Variants in ADGRL3 observed in about 807,000 individuals in gnomAD.
The protein encoded by ADGRL3 is adhesion G protein-coupled receptor L3, also known as calcium-independent alpha-latrotoxin receptor 3.
A neutral mutation model predicts 153.5 loss-of-function variants in ADGRL3; 62 were observed. The observed-to-expected ratio is 0.40, with a 90% CI of 0.33 to 0.50. ADGRL3 has a LOEUF of 0.50. ADGRL3 is among the 20% of genes least tolerant of loss of function. The pLI, the probability that ADGRL3 is intolerant of heterozygous loss-of-function variation, is 0.47. For synonymous variants in ADGRL3, 710 were observed against 672.5 expected (o/e 1.06, Z -0.86); for missense variants, 1,641 against 1,859.4 (o/e 0.88, Z 2.16).
intron 5 of ADGRL3, among the ~76,000 whole-genome samples, chr4:61,599,201 G>A (rs981849167): frequency 6.6e-6 from 1 of 152,226 alleles, no homozygotes; most frequent in Non-Finnish European, 1.5e-5. Flanking sequence ...AATAGACTGA[G>A]TGACTGGGGA....
At chr4:61,283,081 T>G (rs1191922926) in intron 1 of ADGRL3, among the ~76,000 whole-genome samples, 1 of 152,012 alleles carries the variant, frequency 6.6e-6, no homozygotes, top group African/African-American at 2.4e-5. Flanking sequence ...TGTAATACAT[T>G]CTTATGGCAA....
At chr4:61,302,429 A>G (rs2094608445) in intron 1 of ADGRL3, among the ~76,000 whole-genome samples, 1 of 152,102 alleles carries the variant, frequency 6.6e-6, no homozygotes, top group Admixed American at 6.5e-5. Flanking sequence ...TATCTAAAAA[A>G]CTAGGTATTG....
intron 2 of ADGRL3, among the ~76,000 whole-genome samples, chr4:61,416,636 T>TTTG (rs1334825046): frequency 6.6e-6 from 1 of 152,122 alleles, no homozygotes; most frequent in Non-Finnish European, 1.5e-5. Context: ...AGTGGATTTT[T>TTTG]TTGTTGTTGT....
intron 5 of ADGRL3, among the ~76,000 whole-genome samples, chr4:61,668,682 A>G (rs1246571121): frequency 6.6e-6 from 1 of 152,182 alleles, no homozygotes; most frequent in Non-Finnish European, 1.5e-5. Flanking sequence ...GAAATATCCT[A>G]TAGTACTTTT....
At chr4:61,613,967 T>G (rs935697486) in intron 5 of ADGRL3, among the ~76,000 whole-genome samples, 1 of 152,198 alleles carries the variant, frequency 6.6e-6, no homozygotes, top group Admixed American at 6.5e-5. Context: ...GTTGTCAGTA[T>G]GAATTTGTCC....
intron 3 of ADGRL3, among the ~76,000 whole-genome samples, chr4:61,498,350 A>C (rs1280148963): frequency 6.6e-6 from 1 of 152,144 alleles, no homozygotes; most frequent in Non-Finnish European, 1.5e-5. Context: ...AGAGATCGAG[A>C]CCATCCTGGC....
chr4:61,353,317 C>T (rs373656204), intron 1 of ADGRL3, among the ~76,000 whole-genome samples: 1 of 152,020 alleles, frequency 6.6e-6, no homozygotes, highest in East Asian at 1.9e-4. Flanking sequence ...TGAATATATA[C>T]ATTTTACATA....
intron 2 of ADGRL3, among the ~76,000 whole-genome samples, chr4:61,479,999 GCTA>G (rs1385843404): frequency 2.6e-5 from 4 of 151,930 alleles, no homozygotes; most frequent in Non-Finnish European, 5.9e-5. Context: ...TCATCTCTCA[GCTA>G]CTATTTTCTT....
intron 1 of ADGRL3, among the ~76,000 whole-genome samples, chr4:61,243,287 A>G (rs969980580): frequency 6.6e-6 from 1 of 152,028 alleles, no homozygotes; most frequent in Admixed American, 6.6e-5. Context: ...CTTGCAGCCA[A>G]ATGGTTTTGC....
At chr4:61,208,881 A>G (rs1461148146) in intron 1 of ADGRL3, among the ~76,000 whole-genome samples, 1 of 151,910 alleles carries the variant, frequency 6.6e-6, no homozygotes, top group African/African-American at 2.4e-5. Flanking sequence ...TTTCAGTGCA[A>G]AGGATCCTTG....
At chr4:61,750,698 G>T (rs1334733894) in intron 8 of ADGRL3, among the ~76,000 whole-genome samples, 1 of 151,098 alleles carries the variant, frequency 6.6e-6, no homozygotes, top group Non-Finnish European at 1.5e-5. Flanking sequence ...GCTGAGGCAG[G>T]AGAATGGCGT....
intron 9 of ADGRL3, among the ~76,000 whole-genome samples, chr4:61,841,934 G>A (rs893550391): frequency 6.6e-6 from 1 of 152,164 alleles, no homozygotes; most frequent in Non-Finnish European, 1.5e-5. Flanking sequence ...TTTGGCTTTA[G>A]CTGTCCTTAG....
At chr4:61,710,743 A>C (rs937699999) in intron 6 of ADGRL3, among the ~76,000 whole-genome samples, 4 of 152,168 alleles carry the variant, frequency 2.6e-5, no homozygotes, top group Non-Finnish European at 5.9e-5. Context: ...GTAGCACTGT[A>C]TATTCACCTA....
At chr4:61,908,968 A>T (rs1191822910) in intron 11 of ADGRL3, among the ~76,000 whole-genome samples, 1 of 152,192 alleles carries the variant, frequency 6.6e-6, no homozygotes, top group East Asian at 1.9e-4. Context: ...TACTTGAAAA[A>T]ATCAGCATGT....
intron 1 of ADGRL3, among the ~76,000 whole-genome samples, chr4:61,292,660 G>T (rs570804674): frequency 3.0e-4 from 45 of 152,262 alleles, no homozygotes; most frequent in Non-Finnish European, 5.4e-4. Context: ...TCTGTCTGGG[G>T]TCTTTCTTTG....
At chr4:61,213,104 GCAA>G (rs1009249679) in intron 1 of ADGRL3, among the ~76,000 whole-genome samples, 44 of 152,112 alleles carry the variant, frequency 2.9e-4, no homozygotes, top group African/African-American at 1.0e-3. Flanking sequence ...TTGAGCTAGA[GCAA>G]CAACAACAAC....
intron 8 of ADGRL3, among the ~76,000 whole-genome samples, chr4:61,787,496 A>G (rs1472064443): frequency 6.6e-6 from 1 of 152,146 alleles, no homozygotes; most frequent in Non-Finnish European, 1.5e-5. Flanking sequence ...AAGTAACAAC[A>G]TAAAGAGTGT....
chr4:61,464,339 A>T (rs2097856016), intron 2 of ADGRL3, among the ~76,000 whole-genome samples: 1 of 152,200 alleles, frequency 6.6e-6, no homozygotes, highest in African/African-American at 2.4e-5. Context: ...CATATGGCAA[A>T]AGGGTGAAAC....
At chr4:61,691,591 A>G (rs1186652800) in intron 6 of ADGRL3, among the ~76,000 whole-genome samples, 1 of 152,178 alleles carries the variant, frequency 6.6e-6, no homozygotes, top group African/African-American at 2.4e-5. Context: ...CATATAACAG[A>G]ATTAAAACAG....
Sources: gnomAD v4.1 joint callset for allele counts (sites outside exome capture counted in the v4.1 genomes callset) on GRCh38, gnomAD v4.1.1 for gene constraint, MANE v1.5 for transcripts, NCBI Gene and HGNC (gene_info 2026-07-23, HGNC 2026-07-21) for gene names.